Variants in GCA observed in about 807,000 individuals in gnomAD.
The protein encoded by GCA is grancalcin, EF-hand calcium-binding protein.
GCA carries 30 observed loss-of-function variants against 32.6 expected under a neutral mutation model. That is an observed-to-expected ratio of 0.92 (90% CI 0.69 to 1.25). GCA has a LOEUF of 1.25. Ranked by LOEUF, GCA falls within the 50% of genes most tolerant of loss-of-function variation. GCA has a pLI of 0.00. For missense variants in GCA, 291 were observed against 266.8 expected, an observed-to-expected ratio of 1.09 and a Z score of -0.63; for synonymous variants, 102 against 84.6, an observed-to-expected ratio of 1.21 and a Z score of -1.13.
chr2:162,339,037 C>T (rs147349124), intron 1 of GCA, among the ~76,000 whole-genome samples: 2 of 152,250 alleles, frequency 1.3e-5, no homozygotes, highest in African/African-American at 4.8e-5. Flanking sequence ...AAACAGAAAA[C>T]TGTGTTATTG....
In GCA at chr2:162,344,228, G is replaced by C; in HGVS notation, c.-21G>C. The C allele has an allele frequency of 1.9e-6, 3 of 1,613,686 alleles. No homozygotes were observed. Among genetic ancestry groups the C allele is most frequent in the Non-Finnish European group, 2.5e-6 (3 of 1,179,862 alleles). On this transcript the variant is annotated 5_prime_UTR_variant, in exon 1 of 8. Transcript: ENST00000437150. ...CGGACGCGACTCGAGGGTGACGCTC[G>C]CTCCGCTCGTCCCGCTCGTCATGGC...
Position 162,362,200 on chromosome 2 carries a change from C to G in GCA, c.*1957C>G. The G allele has an allele frequency of 1.0e-6, 1 of 983,582 alleles. No homozygotes were observed. 60.9% of individuals were successfully genotyped at this position (983,582 alleles called of 1,614,324 possible). A position where few individuals can be genotyped will look rare whatever the true frequency, so the allele number is the denominator to read the frequency against. ...TCTGAAACCCCAAGGTTAATAAAAT[C>G]AGTCATGTTTAATTTTATTTGACCC... On this transcript the variant is annotated 3_prime_UTR_variant, in exon 8 of 8. Transcript: ENST00000437150.
At chr2:162,332,288 G>A (rs1420054904) in intron 1 of GCA, among the ~76,000 whole-genome samples, 11 of 129,034 alleles carry the variant, frequency 8.5e-5, no homozygotes, top group African/African-American at 2.4e-4. Context: ...CAGCCTGGGC[G>A]ACAGAGCAAG....
At chr2:162,358,587 T>C (rs908189324) in intron 5 of GCA, among the ~76,000 whole-genome samples, 1 of 151,368 alleles carries the variant, frequency 6.6e-6, no homozygotes, top group African/African-American at 2.4e-5. Flanking sequence ...AGAGTAATCA[T>C]GTTGATCCTC....
In GCA at chr2:162,326,602, C is replaced by T. The variant is rs143801004; in HGVS notation, c.-31+7377C>T. On this transcript the variant is annotated intron_variant, in intron 1 of 4. Coordinates refer to the GCA transcript ENST00000429691. ...CACGATCTTGGTTCACTGTAGTCTC[C>T]GCCTCCTGGGTTCCAGCAATTTTCC... Among the ~76,000 whole-genome samples, 678 of 152,214 alleles carry T rather than the reference C, an allele frequency of 4.5e-3. 8 individuals carry two copies. The highest frequency in any genetic ancestry group is 0.015 in the African/African-American group (642 of 41,524).
intron 4 of GCA, among the ~76,000 whole-genome samples, chr2:162,369,698 G>A (rs948542499): frequency 5.3e-5 from 8 of 152,200 alleles, no homozygotes; most frequent in South Asian, 2.1e-4. Context: ...CATTCTGAAT[G>A]TTCCTGAACT....
At chr2:162,331,272 G>A (rs1048003510) in intron 1 of GCA, among the ~76,000 whole-genome samples, 2 of 152,206 alleles carry the variant, frequency 1.3e-5, no homozygotes. Context: ...TGATTCAAAT[G>A]TTTCACTGTT....
At chr2:162,333,536 T>C (rs993101764) in intron 1 of GCA, among the ~76,000 whole-genome samples, 6 of 152,076 alleles carry the variant, frequency 3.9e-5, no homozygotes, top group Non-Finnish European at 5.9e-5. Context: ...AGAACTTATT[T>C]AGCATAGATG....
intron 6 of GCA, 152 bp from the exon 7 acceptor site, chr2:162,359,342 G>A (rs1466511994): frequency 1.7e-6 from 1 of 587,118 alleles, no homozygotes; most frequent in Admixed American, 3.4e-5. Context: ...TGTTATTTTT[G>A]GAAGTTTTTC....
In GCA at chr2:162,362,610, T is replaced by G; in HGVS notation, c.*2367T>G. On this transcript the variant is annotated 3_prime_UTR_variant, in exon 8 of 8. Coordinates refer to ENST00000437150, the MANE Select transcript of GCA (RefSeq NM_012198.5). ...TTTCCATGTCATTTTGAGAATTTTT[T>G]TAATAAACATTCAAATAGCTTGCTG... The G allele has an allele frequency of 3.3e-6, 3 of 905,198 alleles. No homozygotes were observed. Among genetic ancestry groups the G allele is most frequent in the Non-Finnish European group, 4.0e-6 (3 of 757,004 alleles). 56.1% of individuals were successfully genotyped at this position (905,198 alleles called of 1,614,324 possible). A position where few individuals can be genotyped will look rare whatever the true frequency, so the allele number is the denominator to read the frequency against.
intron 1 of GCA, among the ~76,000 whole-genome samples, chr2:162,326,780 A>G (rs1683898928): frequency 6.6e-6 from 1 of 152,122 alleles, no homozygotes; most frequent in Non-Finnish European, 1.5e-5. Context: ...GGCCTCCCAA[A>G]GTGCTGGGAT....
chr2:162,356,943 A>C, intron 5 of GCA, 38 bp downstream of exon 5: 1 of 1,425,962 alleles, frequency 7.0e-7, no homozygotes, highest in Non-Finnish European at 9.6e-7. Flanking sequence ...TATAAAGCTA[A>C]TCTTTGTTCT....
At chr2:162,334,879 T>C (rs1390421686) in intron 1 of GCA, among the ~76,000 whole-genome samples, 1 of 152,188 alleles carries the variant, frequency 6.6e-6, no homozygotes, top group Non-Finnish European at 1.5e-5. Flanking sequence ...GAGCTTTCTA[T>C]ATGTTACCAC....
At chr2:162,320,536 C>T (rs1683625453) in intron 1 of GCA, among the ~76,000 whole-genome samples, 1 of 152,132 alleles carries the variant, frequency 6.6e-6, no homozygotes, top group Non-Finnish European at 1.5e-5. Flanking sequence ...TATGGGGAAC[C>T]AGTTAATGTT....
At chr2:162,359,308 G>T in intron 6 of GCA, 151 bp downstream of exon 6, 1 of 623,032 alleles carries the variant, frequency 1.6e-6, no homozygotes, top group Non-Finnish European at 2.9e-6. Flanking sequence ...CAAATATTAA[G>T]GAATATAAAT....
chr2:162,356,935 TA>T, intron 5 of GCA, 30 bp downstream of exon 5: 1 of 1,499,138 alleles, frequency 6.7e-7, no homozygotes. Context: ...TTAGAATCTA[TA>T]AAGCTAATCT....
chr2:162,344,754 C>T (rs1482815613), intron 1 of GCA, among the ~76,000 whole-genome samples: 1 of 152,144 alleles, frequency 6.6e-6, no homozygotes, highest in Non-Finnish European at 1.5e-5. Flanking sequence ...CTGTTCTAGA[C>T]TCCCCCGCTC....
chr2:162,348,506 A>G (rs184268390), intron 2 of GCA, among the ~76,000 whole-genome samples: 113 of 152,272 alleles, frequency 7.4e-4, no homozygotes, highest in African/African-American at 2.4e-3. Flanking sequence ...TAATCATGTC[A>G]GGATTTATTA....
intron 2 of GCA, among the ~76,000 whole-genome samples, chr2:162,350,948 G>A (rs1684962995): frequency 1.3e-5 from 2 of 152,080 alleles, no homozygotes; most frequent in South Asian, 4.2e-4. Context: ...GGGATCAGGT[G>A]CAACATCTGA....
Sources: allele counts gnomAD v4.1 joint callset (sites outside exome capture counted in the v4.1 genomes callset), GRCh38; gene constraint gnomAD v4.1.1; transcripts MANE v1.5; gene names NCBI Gene and HGNC (gene_info 2026-07-23, HGNC 2026-07-21).